Variants in LUC7L2 observed in about 807,000 individuals in gnomAD.
LUC7L2 encodes the protein LUC7 like 2, pre-mRNA splicing factor, also known as putative RNA-binding protein Luc7-like 2.
In LUC7L2, 25 loss-of-function variants were observed where a neutral mutation model predicts 52.8. The observed-to-expected ratio is 0.47, with a 90% confidence interval of 0.34 to 0.66. The LOEUF is 0.66. LUC7L2 is among the 30% of genes least tolerant of loss of function. The pLI is 0.01. For synonymous variants in LUC7L2, 144 were observed against 160.9 expected (o/e 0.89, Z 0.80); for missense variants, 328 against 497.8 (o/e 0.66, Z 3.25).
intron 1 of LUC7L2, among the ~76,000 whole-genome samples, chr7:139,374,196 A>G (rs1297203922): frequency 6.6e-6 from 1 of 151,994 alleles, no homozygotes; most frequent in Non-Finnish European, 1.5e-5. Context: ...TTGGACTTTT[A>G]CCTGTAGTCA....
chr7:139,345,545 C>G lies in LUC7L2; in HGVS notation c.-26+5028C>G, dbSNP rs761236858. On this transcript the variant is annotated intron_variant, in intron 1 of 10. Transcript: ENST00000541170. ...GCAGAGCCCAACATGAGCTTCATTT[C>G]CAAGCTGCCACCTATCTCTGCCTCC... The G allele has an allele frequency of 2.5e-6, 4 of 1,614,044 alleles. No individual in the cohort carries two copies. In the East Asian group the frequency reaches 8.9e-5, roughly 36 times the overall value.
chr7:139,371,149 C>T (rs375516755), intron 1 of LUC7L2, among the ~76,000 whole-genome samples: 89 of 152,318 alleles, frequency 5.8e-4, no homozygotes, highest in African/African-American at 2.0e-3. Flanking sequence ...CATTTGTAGA[C>T]ATGGGAGTGT....
intron 1 of LUC7L2, among the ~76,000 whole-genome samples, chr7:139,362,621 CCTT>C (rs1799944789): frequency 7.8e-6 from 1 of 129,018 alleles, no homozygotes. Flanking sequence ...GCAACTCTGT[CCTT>C]TTTTTTTTTT....
chr7:139,423,427 C>A lies in LUC7L2; in HGVS notation c.*1087C>A, dbSNP rs570050980. ...GGTGTTTTTATTCTCATTCAACAAA[C>A]CCAAATAAAAACAGTATATGTAACC... is the stretch of plus-strand genomic sequence containing the variant. On this transcript the variant is annotated 3_prime_UTR_variant, in exon 10 of 10. Transcript: ENST00000354926. The A allele has an allele frequency of 5.0e-6, 2 of 398,906 alleles. No homozygotes were observed. The highest frequency in any genetic ancestry group is 2.5e-4 in the South Asian group (2 of 7,850). 24.7% of individuals were successfully genotyped at this position (398,906 alleles called of 1,614,324 possible). A position where few individuals can be genotyped will look rare whatever the true frequency, so the allele number is the denominator to read the frequency against.
intron 9 of LUC7L2, among the ~76,000 whole-genome samples, chr7:139,418,361 G>A (rs1417573791): frequency 6.6e-6 from 1 of 152,220 alleles, no homozygotes; most frequent in African/African-American, 2.4e-5. Flanking sequence ...GAAGAGTTTA[G>A]CATTCATAGT....
chr7:139,385,173 T>A (rs1272963920), intron 2 of LUC7L2, among the ~76,000 whole-genome samples: 1 of 152,092 alleles, frequency 6.6e-6, no homozygotes, highest in Non-Finnish European at 1.5e-5. Flanking sequence ...TTTAATGAAT[T>A]TTCATGTACC....
At chr7:139,402,607 A>G (rs183892271) in intron 4 of LUC7L2, among the ~76,000 whole-genome samples, 2 of 152,120 alleles carry the variant, frequency 1.3e-5, no homozygotes, top group South Asian at 4.2e-4. Flanking sequence ...GCTTGCTGCA[A>G]TCTCTGCCTT....
chr7:139,362,227 A>G (rs1313075142), intron 1 of LUC7L2, among the ~76,000 whole-genome samples: 1 of 152,162 alleles, frequency 6.6e-6, no homozygotes. Flanking sequence ...GAAGTAAAAA[A>G]TATACTACTT....
chr7:139,366,579 C>G (rs1314592409), intron 1 of LUC7L2, among the ~76,000 whole-genome samples: 1 of 152,212 alleles, frequency 6.6e-6, no homozygotes, highest in African/African-American at 2.4e-5. Flanking sequence ...TTTATTGGAA[C>G]ACATCCATGC....
intron 2 of LUC7L2, among the ~76,000 whole-genome samples, chr7:139,379,980 C>T (rs886152209): frequency 1.3e-5 from 2 of 151,764 alleles, no homozygotes; most frequent in Non-Finnish European, 2.9e-5. Flanking sequence ...TTGAGACCAG[C>T]CTGGCCAACC....
chr7:139,374,605 T>G (rs1309184555), intron 1 of LUC7L2: 1 of 1,499,398 alleles, frequency 6.7e-7, no homozygotes, highest in Non-Finnish European at 8.9e-7. Context: ...TATTCCAAAT[T>G]GTGTCAAAAA....
At chr7:139,406,857 ATTG>A (rs1485660672) in intron 5 of LUC7L2, among the ~76,000 whole-genome samples, 1 of 151,356 alleles carries the variant, frequency 6.6e-6, no homozygotes, top group Non-Finnish European at 1.5e-5. Context: ...TTCTGATTTT[ATTG>A]TTTTTTTCTT....
chr7:139,391,813 C>T (rs1320241865), intron 2 of LUC7L2, among the ~76,000 whole-genome samples: 1 of 152,114 alleles, frequency 6.6e-6, no homozygotes, highest in East Asian at 1.9e-4. Context: ...TCTCGAACTC[C>T]TGGCCTCTAG....
intron 3 of LUC7L2, among the ~76,000 whole-genome samples, chr7:139,401,645 G>A (rs556323234): frequency 1.3e-5 from 2 of 151,766 alleles, no homozygotes; most frequent in South Asian, 4.2e-4. Flanking sequence ...TAGAGACGAG[G>A]TTTCACCATG....
Position 139,402,119 on chromosome 7 carries a change from TTTAA to T in LUC7L2, c.256-13_256-10del. ...AATTGACTTTCTGACAGTAATTGTC[TTTAA>T]TTAAACTTTGTAGGCCATGGATCAT... is the stretch of plus-strand genomic sequence containing the variant. On this transcript the variant is annotated splice_polypyrimidine_tract_variant and intron_variant, in intron 3 of 9. Transcript: ENST00000354926. 4 of 1,564,276 alleles carry T rather than the reference TTTAA, an allele frequency of 2.6e-6. No homozygotes were observed. The highest frequency in any genetic ancestry group is 3.4e-6 in the Non-Finnish European group (4 of 1,162,238).
rs1301598687 is a variant in LUC7L2 at position 139,423,188 on chromosome 7, T to C, written c.*848T>C. ...ATTAAACTGTAACTTGTCTAGTAAATTGTCACTAGAACTATTTGCTGTGGG... is the reference window on the plus strand; with the variant it reads ...ATTAAACTGTAACTTGTCTAGTAAACTGTCACTAGAACTATTTGCTGTGGG... On this transcript the variant is annotated 3_prime_UTR_variant, in exon 10 of 10. Transcript: ENST00000354926. 1 of 398,906 alleles carries C rather than the reference T, an allele frequency of 2.5e-6. No homozygotes were observed. The allele number at this position is 398,906 out of a possible 1,614,324, so 24.7% of individuals were successfully genotyped here.
chr7:139,392,858 T>G (rs1259951666), intron 2 of LUC7L2, among the ~76,000 whole-genome samples: 1 of 152,094 alleles, frequency 6.6e-6, no homozygotes, highest in Non-Finnish European at 1.5e-5. Context: ...TTCTCCATGT[T>G]GGTCAGGCTG....
At chr7:139,350,932 C>T (rs780368292) in intron 1 of LUC7L2, among the ~76,000 whole-genome samples, 2 of 152,110 alleles carry the variant, frequency 1.3e-5, no homozygotes, top group Non-Finnish European at 2.9e-5. Context: ...CCTTGGCCTC[C>T]CAAAGTGCTG....
intron 3 of LUC7L2, among the ~76,000 whole-genome samples, chr7:139,399,762 C>T (rs1794823325): frequency 6.6e-6 from 1 of 151,828 alleles, no homozygotes; most frequent in South Asian, 2.1e-4. Context: ...AGCCACGGCA[C>T]CCGGCCGTTT....
Sources: allele counts gnomAD v4.1 joint callset (sites outside exome capture counted in the v4.1 genomes callset), GRCh38; gene constraint gnomAD v4.1.1; transcripts MANE v1.5; gene names NCBI Gene and HGNC (gene_info 2026-07-23, HGNC 2026-07-21).